Variants in HS6ST2 observed in about 807,000 individuals in gnomAD.
HS6ST2 encodes the protein heparan sulfate 6-O-sulfotransferase 2.
HS6ST2 carries 17 observed loss-of-function variants against 33.0 expected under a neutral mutation model. That is an observed-to-expected ratio of 0.52 (90% CI 0.35 to 0.77). HS6ST2 has a LOEUF of 0.77. Ranked by LOEUF, HS6ST2 falls within the 30% of genes least tolerant of loss-of-function variation. The probability of loss-of-function intolerance (pLI) is 0.01; values close to 1 mark genes in which losing one functional copy is unlikely to be tolerated. For missense variants in HS6ST2, 519 were observed against 551.7 expected, an observed-to-expected ratio of 0.94 and a Z score of 0.59; for synonymous variants, 248 against 237.1, an observed-to-expected ratio of 1.05 and a Z score of -0.42.
At chrX:132,869,605 G>A (rs778804181) in intron 2 of HS6ST2, among the ~76,000 whole-genome samples, 3 of 112,008 alleles carry the variant, frequency 2.7e-5, no homozygotes, top group Non-Finnish European at 5.6e-5. Context: ...AGCAAGGCTG[G>A]TTCAACATAT....
chrX:132,958,519 G>A lies in HS6ST2; in HGVS notation c.84C>T (p.Pro28=). ...ERGAPVRTTC[P]RRHSRVEAEL... ...CGGCCTCTACTCTGGAATGCCGGCG[G>A]GGACAGGTGGTGCGGACGGGCGCTC... The change falls in exon 1 of 5, where the codon CCC becomes CCT. Residue 28 remains proline, a synonymous_variant. Coordinates refer to ENST00000370833, the MANE Select transcript of HS6ST2 (RefSeq NM_001394073.1). The A allele has an allele frequency of 1.7e-6, 2 of 1,188,220 alleles. No homozygotes were observed. The highest frequency in any genetic ancestry group is 2.3e-6 in the Non-Finnish European group (2 of 884,226).
At chrX:132,643,672 T>G (rs981855900) in intron 4 of HS6ST2, among the ~76,000 whole-genome samples, 1 of 111,515 alleles carries the variant, frequency 9.0e-6, no homozygotes, top group African/African-American at 3.3e-5. Flanking sequence ...TTCACTTTCC[T>G]GAATATCACC....
At chrX:132,905,554 T>A (rs1012283922) in intron 2 of HS6ST2, among the ~76,000 whole-genome samples, 1 of 112,159 alleles carries the variant, frequency 8.9e-6, no homozygotes, top group Non-Finnish European at 1.9e-5. Context: ...CTGGATCTGT[T>A]TCTCAAATTC....
chrX:132,694,920 G>A (rs1045038363), intron 3 of HS6ST2, among the ~76,000 whole-genome samples: 2 of 111,224 alleles, frequency 1.8e-5, no homozygotes, highest in African/African-American at 6.6e-5. Context: ...GGGGAAGATT[G>A]GGAGAGGACC....
intron 3 of HS6ST2, among the ~76,000 whole-genome samples, chrX:132,690,030 C>T (rs1169135329): frequency 7.2e-5 from 8 of 111,856 alleles, no homozygotes; most frequent in African/African-American, 2.6e-4. Flanking sequence ...ATGTAAATGG[C>T]CAGATAGTAA....
intron 2 of HS6ST2, among the ~76,000 whole-genome samples, chrX:132,919,175 C>T (rs2066625003): frequency 8.9e-6 from 1 of 112,223 alleles, no homozygotes; most frequent in Admixed American, 9.4e-5. Flanking sequence ...GCAGCACATA[C>T]AACCAACTGT....
intron 2 of HS6ST2, among the ~76,000 whole-genome samples, chrX:132,709,812 A>AACACACACACACACACACACACAC (rs60459374): frequency 7.6e-5 from 7 of 92,214 alleles, no homozygotes; most frequent in African/African-American, 2.0e-4. Context: ...GAAAAGACAA[A>AACACACACACACACACACACACAC]ACACACACAC....
chrX:132,714,852 C>G lies in HS6ST2; in HGVS notation c.948-6358G>C, dbSNP rs147098539. Among the ~76,000 whole-genome samples, 980 of 111,583 alleles carry G rather than the reference C, an allele frequency of 8.8e-3. 7 individuals are homozygous for G. Among genetic ancestry groups the G allele is most frequent in the African/African-American group, 0.029 (905 of 30,699 alleles). ...CTCAGGGAAGGACACATGGGCATGC[C>G]TGAGATTCTGGCTGGTGCCTAGCAC... On this transcript the variant is annotated intron_variant, in intron 2 of 4. Transcript: ENST00000370833.
chrX:132,935,568 T>C (rs890632192), intron 2 of HS6ST2, among the ~76,000 whole-genome samples: 7 of 111,866 alleles, frequency 6.3e-5, no homozygotes, highest in Non-Finnish European at 9.4e-5. Context: ...TTTCGCCATG[T>C]TGCCCAGACT....
At chrX:132,768,144 C>T (rs1473455377) in intron 2 of HS6ST2, among the ~76,000 whole-genome samples, 1 of 110,059 alleles carries the variant, frequency 9.1e-6, no homozygotes, top group African/African-American at 3.3e-5. Flanking sequence ...TGAGACCAGC[C>T]TGGCCAACAT....
intron 2 of HS6ST2, among the ~76,000 whole-genome samples, chrX:132,800,029 A>G (rs1185651237): frequency 8.9e-6 from 1 of 112,292 alleles, no homozygotes; most frequent in Non-Finnish European, 1.9e-5. Flanking sequence ...CCGATTCTCA[A>G]GAGTCTGGAA....
intron 2 of HS6ST2, among the ~76,000 whole-genome samples, chrX:132,777,675 G>C (rs2064976622): frequency 9.7e-6 from 1 of 103,517 alleles, no homozygotes; most frequent in South Asian, 4.6e-4. Context: ...TCAAACTTCT[G>C]ACCTCAGGTG....
intron 2 of HS6ST2, among the ~76,000 whole-genome samples, chrX:132,914,507 G>A (rs1878154432): frequency 8.9e-6 from 1 of 112,580 alleles, no homozygotes; most frequent in Non-Finnish European, 1.9e-5. Flanking sequence ...TGTCTGCAGG[G>A]TGGTTTACTA....
chrX:132,772,979 G>T (rs1602660693), intron 2 of HS6ST2, among the ~76,000 whole-genome samples: 1 of 83,017 alleles, frequency 1.2e-5, no homozygotes, highest in Non-Finnish European at 2.2e-5. Flanking sequence ...ATATATTAAT[G>T]TAATCTTTTA....
intron 2 of HS6ST2, among the ~76,000 whole-genome samples, chrX:132,882,904 G>T (rs1415680676): frequency 2.7e-5 from 3 of 111,290 alleles, no homozygotes; most frequent in Non-Finnish European, 3.8e-5. Flanking sequence ...TTGTCTTTGG[G>T]ACTGTTTATA....
At chrX:132,796,380 C>T (rs2065180178) in intron 2 of HS6ST2, among the ~76,000 whole-genome samples, 1 of 112,342 alleles carries the variant, frequency 8.9e-6, no homozygotes, top group South Asian at 3.7e-4. Flanking sequence ...CCCTTGATGG[C>T]ACCATAACTG....
chrX:132,811,685 AATATATATATATATAT>A lies in HS6ST2; in HGVS notation c.948-103207_948-103192del, dbSNP rs56390608. ...CAGAACTTTGTTTTAAAGGCTGAAT[AATATATATATATATAT>A]ATATATATATATATATATATATATC... On this transcript the variant is annotated intron_variant, in intron 2 of 4. Transcript: ENST00000370833. 9.1e-3 allele frequency among the ~76,000 whole-genome samples: 271 copies of A among 29,808 alleles called. 2 individuals are homozygous for A. Among genetic ancestry groups the A allele is most frequent in the African/African-American group, 0.02 (127 of 6,489 alleles). 25.9% of individuals were successfully genotyped at this position (29,808 alleles called of 115,157 possible).
intron 3 of HS6ST2, among the ~76,000 whole-genome samples, chrX:132,674,591 A>G (rs960881891): frequency 1.8e-5 from 2 of 111,845 alleles, no homozygotes; most frequent in Non-Finnish European, 3.8e-5. Flanking sequence ...CTCTTGGTAC[A>G]TGTTGTTTTT....
At chrX:132,957,421 G>T in intron 1 of HS6ST2, 95 bp from the exon 2 acceptor site, 15 of 947,768 alleles carry the variant, frequency 1.6e-5, no homozygotes, top group Non-Finnish European at 1.7e-5. Context: ...CCGCTGCTGC[G>T]CCCCTCTCCC....
Sources: gnomAD v4.1 joint callset for allele counts (sites outside exome capture counted in the v4.1 genomes callset) on GRCh38, gnomAD v4.1.1 for gene constraint, MANE v1.5 for transcripts, NCBI Gene and HGNC (gene_info 2026-07-23, HGNC 2026-07-21) for gene names.